The following VASN variants were observed in gnomAD, a reference collection of about 807,000 sequenced individuals.
The protein encoded by VASN is protein slit-like 2.
Under a neutral mutation model 4.8 loss-of-function variants are expected in VASN, and 5 were observed. That is an observed-to-expected ratio of 1.03 (90% CI 0.54 to 2.17). VASN has a LOEUF of 2.17. Among genes scored for constraint, VASN ranks in the 30% most tolerant of loss-of-function variants. The pLI, the probability that VASN is intolerant of heterozygous loss-of-function variation, is 0.01. For missense variants in VASN, 927 were observed against 948.8 expected, an observed-to-expected ratio of 0.98 and a Z score of 0.30; for synonymous variants, 499 against 460.8, an observed-to-expected ratio of 1.08 and a Z score of -1.06.
chr16:4,378,415 G>T (rs998113707), intron 1 of VASN, among the ~76,000 whole-genome samples: 2 of 152,032 alleles, frequency 1.3e-5, no homozygotes, highest in Non-Finnish European at 2.9e-5. Flanking sequence ...TCCTGACCCT[G>T]GTCTGGCCCT....
At chr16:4,375,795 T>A (rs1413604797) in intron 1 of VASN, among the ~76,000 whole-genome samples, 1 of 152,188 alleles carries the variant, frequency 6.6e-6, no homozygotes, top group Non-Finnish European at 1.5e-5. Flanking sequence ...GCAGAATTTC[T>A]TGTTTAATTG....
Position 4,382,304 on chromosome 16 carries a change from T to A in VASN, c.1427T>A (p.Leu476Gln). 6.2e-7 allele frequency: 1 copy of A among 1,610,432 alleles called. No homozygotes were observed. The highest frequency in any genetic ancestry group is 1.1e-5 in the South Asian group (1 of 90,632). ...LGIEPVSPTS[L>Q]RVGLQRYLQG... ...ATCGAGCCGGTGAGCCCCACCTCCC[T>A]GCGCGTGGGGCTGCAGCGCTACCTC... Residue 476 changes from leucine to glutamine, a missense_variant, in exon 2 of 2, where the codon CTG (leucine) becomes CAG (glutamine). Coordinates refer to ENST00000304735, the MANE Select transcript of VASN (RefSeq NM_138440.3).
At chr16:4,378,672 G>A (rs1051033345) in intron 1 of VASN, among the ~76,000 whole-genome samples, 4 of 152,052 alleles carry the variant, frequency 2.6e-5, no homozygotes, top group South Asian at 2.1e-4. Flanking sequence ...GGTTTGGGGT[G>A]CTAACTTCTT....
In VASN at chr16:4,381,602, CG is replaced by C; in HGVS notation, c.726del (p.Arg243AlafsTer29). On this transcript the variant is annotated frameshift_variant, in exon 2 of 2. Transcript: ENST00000304735. LOFTEE classifies it low-confidence loss of function (END_TRUNC). The part of the protein sequence containing the change: ...PPVIRGLRGL[T>X]RLRLAGNTRI... Reference sequence around the variant, plus strand: ...GTGATCCGAGGCCTCCGGGGCCTGACGCGCCTGCGGCTGGCCGGCAACACCC... The same window carrying C: ...GTGATCCGAGGCCTCCGGGGCCTGACCGCCTGCGGCTGGCCGGCAACACCC... The C allele has an allele frequency of 6.3e-7, 1 of 1,599,048 alleles. No homozygotes were observed. Among genetic ancestry groups the C allele is most frequent in the Non-Finnish European group, 8.5e-7 (1 of 1,173,380 alleles).
intron 1 of VASN, among the ~76,000 whole-genome samples, chr16:4,378,189 A>G (rs1484155475): frequency 6.6e-6 from 1 of 152,188 alleles, no homozygotes; most frequent in Non-Finnish European, 1.5e-5. Context: ...AGTGTCCCAG[A>G]TACTCAGATG....
rs1184667663 is a variant in VASN at position 4,382,893 on chromosome 16, C to T, written c.2016C>T (p.Tyr672=). The T allele has an allele frequency of 1.3e-6, 2 of 1,516,492 alleles. No individual in the cohort carries two copies. Among genetic ancestry groups the T allele is most frequent in the Non-Finnish European group, 8.8e-7 (1 of 1,133,096 alleles). The allele number at this position is 1,516,492 out of a possible 1,614,324, so 93.9% of individuals were successfully genotyped here. A position where few individuals can be genotyped will look rare whatever the true frequency, so the allele number is the denominator to read the frequency against. Residue 672 remains tyrosine (Y), a synonymous_variant, in exon 2 of 2, where the codon TAC becomes TAT. Coordinates refer to ENST00000304735, the MANE Select transcript of VASN (RefSeq NM_138440.3). ...GLQSPLHAKP[Y]I ...AGTCACCCCTCCACGCAAAGCCCTACATCTAAGCCAGAGAGAGACAGGGCA... is the reference window on the plus strand; with the variant it reads ...AGTCACCCCTCCACGCAAAGCCCTATATCTAAGCCAGAGAGAGACAGGGCA...
intron 1 of VASN, among the ~76,000 whole-genome samples, chr16:4,372,846 G>C (rs1320415435): frequency 1.3e-5 from 2 of 152,164 alleles, no homozygotes; most frequent in African/African-American, 4.8e-5. Context: ...GGAAGGAAGA[G>C]GTCCTGGGGG....
At position 4,380,975 on chromosome 16, in the gene VASN, CACAG is replaced by C. The variant is rs748627844; in HGVS notation, c.103_106del (p.Thr35SerfsTer72). The C allele has an allele frequency of 1.9e-6, 3 of 1,607,468 alleles. No individual in the cohort carries two copies. The highest frequency in any genetic ancestry group is 1.7e-6 in the Non-Finnish European group (2 of 1,178,936). Reference sequence around the variant, plus strand: ...CCATCCGGCTGCCAGTGCAGCCAGCCACAGACAGTCTTCTGCACTGCCCGCCAGG... The same window carrying C: ...CCATCCGGCTGCCAGTGCAGCCAGCCACAGTCTTCTGCACTGCCCGCCAGG... On this transcript the variant is annotated frameshift_variant, in exon 2 of 2. Coordinates refer to ENST00000304735, the MANE Select transcript of VASN (RefSeq NM_138440.3). LOFTEE classifies it low-confidence loss of function (END_TRUNC).
chr16:4,373,020 G>A (rs573242487), intron 1 of VASN, among the ~76,000 whole-genome samples: 24 of 152,260 alleles, frequency 1.6e-4, no homozygotes, highest in African/African-American at 5.5e-4. Context: ...GGGTGTTGAG[G>A]GCATAGAGGG....
chr16:4,382,271 C>T lies in VASN; in HGVS notation c.1394C>T (p.Thr465Ile), dbSNP rs1351875580. 2 of 1,608,868 alleles carry T rather than the reference C, an allele frequency of 1.2e-6. No individual in the cohort carries two copies. Among genetic ancestry groups the T allele is most frequent in the Admixed American group, 3.4e-5 (2 of 59,612 alleles). The change falls in exon 2 of 2, where the codon ACC becomes ATC. Residue 465 changes from threonine (T) to isoleucine (I), a missense_variant. Transcript: ENST00000304735. ...PVTPRPPRSL[T>I]LGIEPVSPTS... ...ACGCCGAGGCCACCACGGTCCCTGACCCTGGGCATCGAGCCGGTGAGCCCC... is the reference window on the plus strand; with the variant it reads ...ACGCCGAGGCCACCACGGTCCCTGATCCTGGGCATCGAGCCGGTGAGCCCC...
At chr16:4,378,792 AGG>A (rs1172391802) in intron 1 of VASN, among the ~76,000 whole-genome samples, 2 of 151,634 alleles carry the variant, frequency 1.3e-5, no homozygotes, top group African/African-American at 4.9e-5. Flanking sequence ...TAGGGAGGTG[AGG>A]GGGCACACGA....
Position 4,382,614 on chromosome 16 carries a change from G to A in VASN, c.1737G>A (p.Ala579=), listed in dbSNP as rs528766233. 1.1e-4 allele frequency: 169 copies of A among 1,579,906 alleles called. 2 individuals carry two copies. In the Admixed American group the frequency reaches 1.6e-3, roughly 15 times the overall value. Residue 579 remains alanine (A), a synonymous_variant, in exon 2 of 2, where the codon GCG becomes GCA. Transcript: ENST00000304735. ...AREGNLPLLI[A]PALAAVLLAA... is the part of the protein sequence containing the mutation. ...AGGGCAACCTGCCGCTCCTCATTGC[G>A]CCCGCCCTGGCCGCGGTGCTCCTGG...
intron 1 of VASN, among the ~76,000 whole-genome samples, chr16:4,377,657 C>T (rs1389942541): frequency 2.0e-5 from 3 of 152,306 alleles, no homozygotes; most frequent in Admixed American, 6.5e-5. Context: ...GGGTTCCTCT[C>T]GGGGCTGGCT....
chr16:4,373,236 G>C (rs1311047093), intron 1 of VASN, among the ~76,000 whole-genome samples: 1 of 152,164 alleles, frequency 6.6e-6, no homozygotes, highest in African/African-American at 2.4e-5. Flanking sequence ...GGCAGGAAGA[G>C]GCTCTGGTGA....
intron 1 of VASN, among the ~76,000 whole-genome samples, chr16:4,377,368 G>T (rs1042529087): frequency 6.6e-6 from 1 of 151,990 alleles, no homozygotes; most frequent in Non-Finnish European, 1.5e-5. Flanking sequence ...GTGGGTGGGC[G>T]GCGGCAACCA....
At chr16:4,372,081 G>GCA (rs1334346690) in intron 1 of VASN, 88 bp downstream of exon 1, 1 of 151,656 alleles carries the variant, frequency 6.6e-6, no homozygotes, top group Non-Finnish European at 1.5e-5. Flanking sequence ...GCCGCCGCGC[G>GCA]CACACACGCA....
chr16:4,372,554 G>A (rs544518160), intron 1 of VASN, among the ~76,000 whole-genome samples: 1 of 152,318 alleles, frequency 6.6e-6, no homozygotes, highest in Admixed American at 6.5e-5. Flanking sequence ...ACTGGCCAGG[G>A]CCCTTAGAGC....
In VASN at chr16:4,381,315, G is replaced by A. The variant is rs1399636026; in HGVS notation, c.438G>A (p.Thr146=). ...ACATCCAGCCTGGTGCCTTCGACAC[G>A]CTCGACCGCCTCCTGGAGCTCAAGC... The part of the protein sequence containing the change: ...IRHIQPGAFD[T]LDRLLELKLQ... Residue 146 remains threonine, a synonymous_variant, in exon 2 of 2, where the codon ACG becomes ACA. Coordinates refer to ENST00000304735, the MANE Select transcript of VASN (RefSeq NM_138440.3). 11 of 1,611,588 alleles carry A rather than the reference G, an allele frequency of 6.8e-6. No individual in the cohort carries two copies. The highest frequency in any genetic ancestry group is 1.7e-5 in the Admixed American group (1 of 59,946).
chr16:4,376,390 G>T (rs904631187), intron 1 of VASN, among the ~76,000 whole-genome samples: 9 of 152,324 alleles, frequency 5.9e-5, no homozygotes, highest in African/African-American at 1.2e-4. Flanking sequence ...TGGCGGGCCA[G>T]CATGAGGAGC....
Sources: allele counts gnomAD v4.1 joint callset (sites outside exome capture counted in the v4.1 genomes callset), GRCh38; gene constraint gnomAD v4.1.1; transcripts MANE v1.5; gene names NCBI Gene and HGNC (gene_info 2026-07-23, HGNC 2026-07-21).